FAR2: variants seen among roughly 807,000 people sequenced by gnomAD.
FAR2 encodes the protein epididymis secretory protein Li 81.
FAR2 carries 19 observed loss-of-function variants against 56.0 expected under a neutral mutation model. That is an observed-to-expected ratio of 0.34 (90% CI 0.24 to 0.50). The LOEUF (loss-of-function observed/expected upper bound fraction) is 0.50. FAR2 is among the 20% of genes least tolerant of loss of function. The probability of loss-of-function intolerance (pLI) is 0.98; values close to 1 mark genes in which losing one functional copy is unlikely to be tolerated. For missense variants in FAR2, 508 were observed against 642.2 expected (o/e 0.79, Z 2.26); for synonymous variants, 219 against 218.8 (o/e 1.00, Z -0.01).
At chr12:29,274,399 T>C (rs1416345965) in intron 2 of FAR2, among the ~76,000 whole-genome samples, 1 of 152,092 alleles carries the variant, frequency 6.6e-6, no homozygotes, top group Non-Finnish European at 1.5e-5. Flanking sequence ...CTGCCTAGTA[T>C]TCCATGATGT....
intron 1 of FAR2, among the ~76,000 whole-genome samples, chr12:29,220,107 A>G (rs1315244104): frequency 6.6e-6 from 1 of 152,198 alleles, no homozygotes; most frequent in Non-Finnish European, 1.5e-5. Context: ...CTAATTAGAA[A>G]CAGAGCTGGC....
chr12:29,196,580 G>C (rs1246003776), intron 1 of FAR2, among the ~76,000 whole-genome samples: 1 of 152,024 alleles, frequency 6.6e-6, no homozygotes, highest in Non-Finnish European at 1.5e-5. Flanking sequence ...AATGAAACTG[G>C]ACTCCTATTT....
chr12:29,202,143 T>C (rs1015513273), intron 1 of FAR2, among the ~76,000 whole-genome samples: 10 of 152,230 alleles, frequency 6.6e-5, no homozygotes, highest in African/African-American at 2.4e-4. Flanking sequence ...ATTATTATTA[T>C]TATTTTCTAT....
At chr12:29,254,423 C>T (rs1591895674) in intron 1 of FAR2, among the ~76,000 whole-genome samples, 1 of 152,202 alleles carries the variant, frequency 6.6e-6, no homozygotes. Flanking sequence ...CGGTCCCAAA[C>T]TCCTGAGCTC....
At chr12:29,243,832 T>C (rs1055597970) in intron 1 of FAR2, among the ~76,000 whole-genome samples, 2 of 151,950 alleles carry the variant, frequency 1.3e-5, no homozygotes, top group African/African-American at 4.9e-5. Context: ...GTATTCTTCT[T>C]GGAATATCAA....
chr12:29,237,890 T>C (rs1947964589), intron 1 of FAR2, among the ~76,000 whole-genome samples: 1 of 152,202 alleles, frequency 6.6e-6, no homozygotes, highest in African/African-American at 2.4e-5. Context: ...TATCATTTTT[T>C]ATATTACATG....
chr12:29,284,066 A>C (rs1030377986), intron 2 of FAR2, among the ~76,000 whole-genome samples: 13 of 152,332 alleles, frequency 8.5e-5, no homozygotes, highest in Admixed American at 8.5e-4. Flanking sequence ...TCTGTTTAGG[A>C]TCTTAAGTTG....
At chr12:29,317,681 T>C (rs2136804204) in intron 9 of FAR2, 1 of 152,764 alleles carries the variant, frequency 6.5e-6, no homozygotes, top group South Asian at 2.1e-4. Flanking sequence ...ATCTTAAATA[T>C]ACAATAATGA....
chr12:29,326,195 A>G (rs1477225015), intron 10 of FAR2, among the ~76,000 whole-genome samples: 13 of 152,222 alleles, frequency 8.5e-5, no homozygotes, highest in Admixed American at 3.9e-4. Flanking sequence ...TCCCAAGACT[A>G]AACCAGGAAG....
intron 1 of FAR2, among the ~76,000 whole-genome samples, chr12:29,228,549 C>T (rs751930997): frequency 1.3e-4 from 19 of 151,832 alleles, no homozygotes; most frequent in Non-Finnish European, 2.4e-4. Flanking sequence ...ACAGATGTCC[C>T]TTACTGACCT....
intron 10 of FAR2, among the ~76,000 whole-genome samples, chr12:29,327,150 A>G (rs1949662867): frequency 6.6e-6 from 1 of 152,230 alleles, no homozygotes; most frequent in Non-Finnish European, 1.5e-5. Flanking sequence ...ACACCCATTC[A>G]TAATTGCTAC....
At position 29,303,967 on chromosome 12, in the gene FAR2, A is replaced by G. The variant is rs187628378; in HGVS notation, c.546-3691A>G. Among the ~76,000 whole-genome samples, 87 of 152,298 alleles carry G rather than the reference A, an allele frequency of 5.7e-4. 1 individual carries two copies. Among genetic ancestry groups the G allele is most frequent in the African/African-American group, 2.1e-3 (86 of 41,564 alleles). On this transcript the variant is annotated intron_variant, in intron 4 of 11. Transcript: ENST00000536681. ...TTTGAGCCTGGCTAGGTGCTCCGTA[A>G]AAGTCTTGAGGGAAATACAGAGGCC...
intron 11 of FAR2, 40 bp from the exon 12 acceptor site, chr12:29,333,592 C>G (rs1270907213): frequency 2.0e-5 from 32 of 1,569,240 alleles, no homozygotes; most frequent in Non-Finnish European, 2.7e-5. Flanking sequence ...GGTTGGGTAT[C>G]TGGTAGTTTT....
At chr12:29,310,844 C>A (rs898180772) in intron 6 of FAR2, among the ~76,000 whole-genome samples, 184 bp from the exon 7 acceptor site, 1 of 152,106 alleles carries the variant, frequency 6.6e-6, no homozygotes, top group African/African-American at 2.4e-5. Flanking sequence ...GAGACGCATG[C>A]ACTTGGCTGG....
intron 1 of FAR2, among the ~76,000 whole-genome samples, chr12:29,172,634 T>G (rs1949898933): frequency 6.6e-6 from 1 of 152,180 alleles, no homozygotes; most frequent in Non-Finnish European, 1.5e-5. Flanking sequence ...GGGCTCACTT[T>G]TGGAGCTTTC....
intron 1 of FAR2, among the ~76,000 whole-genome samples, chr12:29,269,109 G>C (rs1466642846): frequency 1.3e-5 from 2 of 152,124 alleles, no homozygotes; most frequent in South Asian, 2.1e-4. Flanking sequence ...AAAATTATTA[G>C]GCGGGAATTT....
At chr12:29,184,244 C>T (rs563728650) in intron 1 of FAR2, among the ~76,000 whole-genome samples, 167 of 152,082 alleles carry the variant, frequency 1.1e-3, no homozygotes, top group Non-Finnish European at 1.8e-3. Flanking sequence ...ATCTGCAGTT[C>T]TGGGAAAGAT....
intron 1 of FAR2, among the ~76,000 whole-genome samples, chr12:29,241,148 T>C (rs1471814228): frequency 6.6e-6 from 1 of 152,232 alleles, no homozygotes; most frequent in Non-Finnish European, 1.5e-5. Context: ...CCACTCTGAA[T>C]GTGTACTAAA....
chr12:29,240,725 A>G (rs1216420835), intron 1 of FAR2, among the ~76,000 whole-genome samples: 1 of 152,162 alleles, frequency 6.6e-6, no homozygotes, highest in Non-Finnish European at 1.5e-5. Context: ...TCACAGGCAC[A>G]AGGTATACAT....
Sources: allele counts gnomAD v4.1 joint callset (sites outside exome capture counted in the v4.1 genomes callset), GRCh38; gene constraint gnomAD v4.1.1; transcripts MANE v1.5; gene names NCBI Gene and HGNC (gene_info 2026-07-23, HGNC 2026-07-21).